NOC4L: variants seen among roughly 807,000 people sequenced by gnomAD.
NOC4L encodes nucleolar complex protein 4 homolog.
In NOC4L, 40 loss-of-function variants were observed where a neutral mutation model predicts 62.8. The observed-to-expected ratio is 0.64, with a 90% confidence interval of 0.49 to 0.83. The LOEUF (loss-of-function observed/expected upper bound fraction) is 0.83. Among genes scored for constraint, NOC4L ranks in the 40% least tolerant of loss-of-function variants. The pLI is 0.00. For synonymous variants in NOC4L, 433 were observed against 299.8 expected, an observed-to-expected ratio of 1.44 and a Z score of -4.59; for missense variants, 927 against 701.9, an observed-to-expected ratio of 1.32 and a Z score of -3.62.
chr12:132,152,256 G>C, intron 14 of NOC4L, 26 bp from the exon 15 acceptor site: 1 of 1,587,934 alleles, frequency 6.3e-7, no homozygotes. Flanking sequence ...CCAAGCCTGA[G>C]AGCCGCCGTG....
At chr12:132,146,172 C>T (rs753888603) in intron 3 of NOC4L, 2 of 446,994 alleles carry the variant, frequency 4.5e-6, no homozygotes, top group East Asian at 7.1e-5. Context: ...CCCTTTCCAC[C>T]CCCAGCCCCA....
intron 3 of NOC4L, among the ~76,000 whole-genome samples, chr12:132,145,995 A>G (rs966294184): frequency 1.3e-5 from 2 of 152,150 alleles, no homozygotes; most frequent in Admixed American, 1.3e-4. Flanking sequence ...ATGCATTATG[A>G]GCTTTCTTAA....
chr12:132,147,445 T>A, intron 4 of NOC4L, 57 bp downstream of exon 4: 2 of 1,510,004 alleles, frequency 1.3e-6, no homozygotes, highest in Non-Finnish European at 1.8e-6. Flanking sequence ...GATCCCAGGA[T>A]GGCCCCGTAG....
Position 132,148,828 on chromosome 12 carries a change from C to G in NOC4L, c.834C>G (p.Asp278Glu). Residue 278 changes from aspartate to glutamate, a missense_variant, in exon 9 of 15, where the codon GAC becomes GAG. By Grantham distance (45) the Asp-to-Glu change is conservative. Coordinates refer to ENST00000330579, the MANE Select transcript of NOC4L (RefSeq NM_024078.3). ...AGAAGGTGCTGCTGATTGTGCATGA[C>G]GCCATCCTGCCGCAGCTGGCGCAGC... ...LYKKVLLIVH[D>E]AILPQLAQPT... is the part of the protein sequence containing the mutation. 1 of 1,603,456 alleles carries G rather than the reference C, an allele frequency of 6.2e-7. No homozygotes were observed. The highest frequency in any genetic ancestry group is 8.5e-7 in the Non-Finnish European group (1 of 1,178,336).
In NOC4L at chr12:132,150,984, G is replaced by T. The variant is rs1487846239; in HGVS notation, c.905G>T (p.Gly302Val). ...GCCTGTGTCTGTCTGTCTGCAGGGG[G>T]GGCCCTCAGCCTCTTGGCCTTGAAC... ...DFLTRACDLG[G>V]ALSLLALNGL... The change falls in exon 10 of 15, where the codon GGG becomes GTG. Residue 302 changes from glycine (G) to valine (V), a missense_variant. Coordinates refer to ENST00000330579, the MANE Select transcript of NOC4L (RefSeq NM_024078.3). 6.2e-6 allele frequency: 10 copies of T among 1,608,162 alleles called. No individual in the cohort carries two copies. The highest frequency in any genetic ancestry group is 8.5e-6 in the Non-Finnish European group (10 of 1,177,632).
Position 132,151,327 on chromosome 12 carries a change from C to A in NOC4L, c.1032C>A (p.Arg344=). The change falls in exon 11 of 15, where the codon CGC becomes CGA. Residue 344 remains arginine, a synonymous_variant. Transcript: ENST00000330579. ...LDPSVFHVKY[R]ARFFHLADLF... is the part of the protein sequence containing the mutation. ...CCTCTGTCTTTCACGTCAAGTACCG[C>A]GCCCGCTTCTTCCACCTGGCTGACC... The A allele has an allele frequency of 6.2e-7, 1 of 1,611,650 alleles. No individual in the cohort carries two copies. Among genetic ancestry groups the A allele is most frequent in the Non-Finnish European group, 8.5e-7 (1 of 1,179,964 alleles).
chr12:132,144,470 G>C lies in NOC4L; in HGVS notation c.-19G>C, dbSNP rs1268647970. On this transcript the variant is annotated 5_prime_UTR_variant, in exon 1 of 15. Coordinates refer to ENST00000330579, the MANE Select transcript of NOC4L (RefSeq NM_024078.3). ...GCGCCGGCGGCTGAGAATCCGCGTTGTTCCGTGTTGGGGGCGGCATGGAGC... is the reference window on the plus strand; with the variant it reads ...GCGCCGGCGGCTGAGAATCCGCGTTCTTCCGTGTTGGGGGCGGCATGGAGC... 3.3e-6 allele frequency: 5 copies of C among 1,507,718 alleles called. No individual in the cohort carries two copies. Among genetic ancestry groups the C allele is most frequent in the Non-Finnish European group, 4.4e-6 (5 of 1,141,746 alleles). The allele number at this position is 1,507,718 out of a possible 1,614,324, so 93.4% of individuals were successfully genotyped here.
At chr12:132,146,627 A>G (rs1308263351) in intron 3 of NOC4L, among the ~76,000 whole-genome samples, 2 of 152,134 alleles carry the variant, frequency 1.3e-5, no homozygotes, top group East Asian at 1.9e-4. Context: ...ACGTCTGTCT[A>G]TAATTATAGC....
At chr12:132,148,395 C>G (rs1390305196) in intron 7 of NOC4L, among the ~76,000 whole-genome samples, 2 of 152,214 alleles carry the variant, frequency 1.3e-5, no homozygotes, top group African/African-American at 2.4e-5. Context: ...TGGCCATGGT[C>G]TTGCCAAAGC....
At chr12:132,148,022 G>C (rs1897791358) in intron 6 of NOC4L, 43 bp downstream of exon 6, 1 of 1,613,030 alleles carries the variant, frequency 6.2e-7, no homozygotes, top group Admixed American at 1.7e-5. Flanking sequence ...CTGAGCCTTG[G>C]TCTGCCTCCC....
At position 132,147,948 on chromosome 12, in the gene NOC4L, C is replaced by G. The variant is rs766224169; in HGVS notation, c.672C>G (p.Pro224=). 4.8e-5 allele frequency: 78 copies of G among 1,608,696 alleles called. No homozygotes were observed. Among genetic ancestry groups the G allele is most frequent in the Non-Finnish European group, 6.5e-5 (77 of 1,178,080 alleles). Residue 224 remains proline (P), a synonymous_variant, in exon 6 of 15, where the codon CCC becomes CCG. Coordinates refer to ENST00000330579, the MANE Select transcript of NOC4L (RefSeq NM_024078.3). ...LSAVSLPRRE[P]TVSSFYVKRA... is the part of the protein sequence containing the mutation. ...CCGTGAGCCTGCCCCGCCGGGAGCC[C>G]ACCGTCTCCAGCTTCTATGTGAAGC...
chr12:132,150,925 G>A, intron 9 of NOC4L, 56 bp from the exon 10 acceptor site: 1 of 1,302,440 alleles, frequency 7.7e-7, no homozygotes, highest in Non-Finnish European at 1.1e-6. Context: ...GTGTGGGCAG[G>A]GGGTAGGGTG....
Position 132,148,782 on chromosome 12 carries a change from A to G in NOC4L, c.790-2A>G. ...CACCCCCACCTGCCGGCCCCCGCCCAGCTGCCCCTCAGCCTCTACAAGAAG... is the reference window on the plus strand; with the variant it reads ...CACCCCCACCTGCCGGCCCCCGCCCGGCTGCCCCTCAGCCTCTACAAGAAG... On this transcript the variant is annotated splice_acceptor_variant, in intron 8 of 14. Coordinates refer to ENST00000330579, the MANE Select transcript of NOC4L (RefSeq NM_024078.3). LOFTEE classifies it high-confidence loss of function. 3 of 1,124,674 alleles carry G rather than the reference A, an allele frequency of 2.7e-6. No individual in the cohort carries two copies. Among genetic ancestry groups the G allele is most frequent in the East Asian group, 5.7e-5 (1 of 17,482 alleles). 69.7% of individuals were successfully genotyped at this position (1,124,674 alleles called of 1,614,324 possible).
chr12:132,146,345 G>A (rs1198325599), intron 3 of NOC4L: 2 of 455,892 alleles, frequency 4.4e-6, no homozygotes, highest in Non-Finnish European at 8.8e-6. Context: ...GTATAGCACA[G>A]CACGTATCGT....
Position 132,148,796 on chromosome 12 carries a change from C to T in NOC4L, c.802C>T (p.Leu268Phe), listed in dbSNP as rs1341025506. 1.3e-6 allele frequency: 2 copies of T among 1,594,480 alleles called. No individual in the cohort carries two copies. The highest frequency in any genetic ancestry group is 8.5e-7 in the Non-Finnish European group (1 of 1,172,656). Residue 268 changes from leucine (L) to phenylalanine (F), a missense_variant, in exon 9 of 15, where the codon CTC becomes TTC. Transcript: ENST00000330579. ...GGCCCCCGCCCAGCTGCCCCTCAGC[C>T]TCTACAAGAAGGTGCTGCTGATTGT... ...SFLKHKLPLS[L>F]YKKVLLIVHD...
At chr12:132,148,754 C>G (rs537231014) in intron 8 of NOC4L, 30 bp from the exon 9 acceptor site, 8 of 873,920 alleles carry the variant, frequency 9.2e-6, no homozygotes, top group African/African-American at 7.2e-5. Context: ...CCCACCCGCC[C>G]CTCACCCCCA....
intron 12 of NOC4L, 21 bp downstream of exon 12, chr12:132,151,665 A>T: frequency 6.2e-7 from 1 of 1,611,304 alleles, no homozygotes; most frequent in Non-Finnish European, 8.5e-7. Flanking sequence ...GGGCCCTCGG[A>T]GGCTGGGCTG....
At chr12:132,145,940 A>G (rs1374679379) in intron 3 of NOC4L, among the ~76,000 whole-genome samples, 1 of 152,190 alleles carries the variant, frequency 6.6e-6, no homozygotes, top group Non-Finnish European at 1.5e-5. Flanking sequence ...GTGCCAGTCC[A>G]CAGATGTGTT....
chr12:132,144,726 G>A, intron 1 of NOC4L, 121 bp downstream of exon 1: 3 of 1,456,676 alleles, frequency 2.1e-6, no homozygotes, highest in Non-Finnish European at 2.7e-6. Context: ...GGTGGGAGGC[G>A]TGTGGGTCAC....
Sources: gnomAD v4.1 joint callset for allele counts (sites outside exome capture counted in the v4.1 genomes callset) on GRCh38, gnomAD v4.1.1 for gene constraint, MANE v1.5 for transcripts, NCBI Gene and HGNC (gene_info 2026-07-23, HGNC 2026-07-21) for gene names.